Variants in R3HDM1 observed in about 807,000 individuals in gnomAD.
R3HDM1 encodes R3H domain-containing protein 1.
Under a neutral mutation model 141.1 loss-of-function variants are expected in R3HDM1, and 46 were observed. The ratio of observed to expected loss-of-function variants is 0.33; its 90% confidence interval spans 0.26 to 0.42. The LOEUF (loss-of-function observed/expected upper bound fraction) is 0.42. Among genes scored for constraint, R3HDM1 ranks in the 10% least tolerant of loss-of-function variants. R3HDM1 has a pLI of 1.00. For missense variants in R3HDM1, 1,184 were observed against 1,368.3 expected, an observed-to-expected ratio of 0.87 and a Z score of 2.12; for synonymous variants, 435 against 472.9, an observed-to-expected ratio of 0.92 and a Z score of 1.04.
At chr2:135,698,002 G>T (rs138025078) in intron 21 of R3HDM1, among the ~76,000 whole-genome samples, 112 of 146,796 alleles carry the variant, frequency 7.6e-4, no homozygotes, top group Non-Finnish European at 1.3e-3. Context: ...GTAATGAGCC[G>T]AGATGGTGCC....
At chr2:135,716,048 C>T (rs62168840) in intron 24 of R3HDM1, among the ~76,000 whole-genome samples, 4,093 of 152,232 alleles carry the variant, frequency 0.027, 87 homozygotes, top group African/African-American at 0.056. Flanking sequence ...TTATCCAGGC[C>T]GGGCGCAGTG....
chr2:135,625,799 G>A (rs1197892259), intron 7 of R3HDM1, among the ~76,000 whole-genome samples: 2 of 152,132 alleles, frequency 1.3e-5, no homozygotes, highest in African/African-American at 2.4e-5. Context: ...AGGGCTTCCC[G>A]ATAGCTGAAC....
intron 3 of R3HDM1, among the ~76,000 whole-genome samples, chr2:135,610,256 C>T (rs962215102): frequency 1.3e-5 from 2 of 152,158 alleles, no homozygotes; most frequent in East Asian, 1.9e-4. Flanking sequence ...CAATTCAAAA[C>T]ATATCTGGGA....
chr2:135,533,045 A>G (rs564435252), intron 1 of R3HDM1, among the ~76,000 whole-genome samples: 70 of 152,336 alleles, frequency 4.6e-4, no homozygotes, highest in African/African-American at 1.7e-3. Context: ...GTTTGAGAAG[A>G]CTATGGTGGC....
chr2:135,713,112 G>A (rs1181516345), intron 23 of R3HDM1, among the ~76,000 whole-genome samples: 2 of 152,034 alleles, frequency 1.3e-5, no homozygotes, highest in African/African-American at 4.8e-5. Flanking sequence ...TGAACCAGGA[G>A]GATTGCTTGA....
intron 1 of R3HDM1, chr2:135,590,539 AT>A: frequency 1.0e-6 from 1 of 985,060 alleles, no homozygotes; most frequent in Non-Finnish European, 1.2e-6. Flanking sequence ...CCACAAAAAA[AT>A]AAAATCTGAA....
At chr2:135,652,576 A>G (rs2065261268) in intron 18 of R3HDM1, among the ~76,000 whole-genome samples, 1 of 152,236 alleles carries the variant, frequency 6.6e-6, no homozygotes, top group Non-Finnish European at 1.5e-5. Context: ...AGATTTTTGC[A>G]TCTATGTTCA....
At chr2:135,680,748 C>A (rs1370426357) in intron 21 of R3HDM1, among the ~76,000 whole-genome samples, 1 of 152,158 alleles carries the variant, frequency 6.6e-6, no homozygotes, top group Non-Finnish European at 1.5e-5. Flanking sequence ...CCAGCCTGGG[C>A]AACAAGAGTG....
intron 19 of R3HDM1, among the ~76,000 whole-genome samples, chr2:135,665,833 A>G (rs2067409821): frequency 6.6e-6 from 1 of 152,186 alleles, no homozygotes; most frequent in Non-Finnish European, 1.5e-5. Context: ...TTATATATGA[A>G]AGCATGACAT....
At chr2:135,593,100 A>G (rs1481077061) in intron 1 of R3HDM1, among the ~76,000 whole-genome samples, 1 of 151,950 alleles carries the variant, frequency 6.6e-6, no homozygotes, top group Non-Finnish European at 1.5e-5. Context: ...TTGTATTTTT[A>G]GTAGAGTTGA....
chr2:135,613,446 G>T (rs1574351445), intron 3 of R3HDM1, among the ~76,000 whole-genome samples: 1 of 152,080 alleles, frequency 6.6e-6, no homozygotes, highest in Admixed American at 6.5e-5. Flanking sequence ...CTTTTATAGG[G>T]CTCACTTGAT....
At chr2:135,549,414 G>A (rs1286532540) in intron 1 of R3HDM1, among the ~76,000 whole-genome samples, 1 of 151,908 alleles carries the variant, frequency 6.6e-6, no homozygotes, top group Non-Finnish European at 1.5e-5. Flanking sequence ...AATTAGCTGG[G>A]CGTGATGGTG....
At position 135,638,772 on chromosome 2, in the gene R3HDM1, G is replaced by A; in HGVS notation, c.975G>A (p.Gln325=). The A allele has an allele frequency of 1.9e-6, 3 of 1,614,058 alleles. No homozygotes were observed. Among genetic ancestry groups the A allele is most frequent in the Non-Finnish European group, 2.5e-6 (3 of 1,180,012 alleles). Residue 325 remains glutamine (Q), a synonymous_variant, in exon 13 of 27, where the codon CAG becomes CAA. Coordinates refer to ENST00000683871, the MANE Select transcript of R3HDM1 (RefSeq NM_001378107.1). ...LQDEDASSTQ[Q]RRQIFRVNKD... ...ACGAGGATGCCAGTAGTACCCAGCA[G>A]AGGCGCCAGATATTTAGGTATTGGA...
chr2:135,716,795 T>C (rs376581844), intron 24 of R3HDM1, among the ~76,000 whole-genome samples: 3 of 151,776 alleles, frequency 2.0e-5, no homozygotes, highest in East Asian at 3.9e-4. Flanking sequence ...CTACTAAAAC[T>C]ACAAAAACAA....
At chr2:135,555,161 A>G (rs1404644095) in intron 1 of R3HDM1, among the ~76,000 whole-genome samples, 2 of 151,942 alleles carry the variant, frequency 1.3e-5, no homozygotes, top group South Asian at 2.1e-4. Flanking sequence ...TTAGCCAGGC[A>G]TGGTGGTGCG....
intron 21 of R3HDM1, among the ~76,000 whole-genome samples, chr2:135,703,838 A>G (rs1053443865): frequency 1.3e-5 from 2 of 152,196 alleles, no homozygotes; most frequent in Non-Finnish European, 2.9e-5. Context: ...TACTAGGTAT[A>G]TATACCCTCA....
At chr2:135,675,667 G>A (rs1470308725) in intron 20 of R3HDM1, among the ~76,000 whole-genome samples, 181 bp downstream of exon 20, 1 of 152,056 alleles carries the variant, frequency 6.6e-6, no homozygotes, top group Non-Finnish European at 1.5e-5. Context: ...AGTTTTATTA[G>A]TCGTAGAAGC....
chr2:135,630,137 C>T (rs1379708938), intron 7 of R3HDM1, among the ~76,000 whole-genome samples: 12 of 150,580 alleles, frequency 8.0e-5, no homozygotes, highest in African/African-American at 2.2e-4. Flanking sequence ...ATTAGTCTGG[C>T]GTGGTGGTGC....
intron 1 of R3HDM1, chr2:135,577,195 A>G (rs1282726307): frequency 1.0e-6 from 1 of 984,106 alleles, no homozygotes; most frequent in Non-Finnish European, 1.2e-6. Context: ...ACAACCAAAG[A>G]TTGACAAATA....
Sources: allele counts gnomAD v4.1 joint callset (sites outside exome capture counted in the v4.1 genomes callset), GRCh38; gene constraint gnomAD v4.1.1; transcripts MANE v1.5; gene names NCBI Gene and HGNC (gene_info 2026-07-23, HGNC 2026-07-21).